ASXL3: variants seen among roughly 807,000 people sequenced by gnomAD.
ASXL3 encodes the protein putative Polycomb group protein ASXL3.
Under a neutral mutation model 170.6 loss-of-function variants are expected in ASXL3, and 34 were observed. That is an observed-to-expected ratio of 0.20 (90% CI 0.15 to 0.27). The LOEUF (loss-of-function observed/expected upper bound fraction) is 0.27, where lower values mean the gene tolerates loss of function less well. ASXL3 is among the 10% of genes least tolerant of loss of function. The pLI is 1.00. For missense variants in ASXL3, 2,592 were observed against 2,695.3 expected, an observed-to-expected ratio of 0.96 and a Z score of 0.85; for synonymous variants, 1,002 against 989.1, an observed-to-expected ratio of 1.01 and a Z score of -0.24.
At position 33,725,205 on chromosome 18, in the gene ASXL3, C is replaced by G. The variant is rs555780344; in HGVS notation, c.880-6763C>G. 9.1e-4 allele frequency among the ~76,000 whole-genome samples: 138 copies of G among 152,114 alleles called. 1 individual carries two copies. The highest frequency in any genetic ancestry group is 2.1e-4 in the Non-Finnish European group (14 of 67,992). On this transcript the variant is annotated intron_variant, in intron 8 of 11. Transcript: ENST00000269197. ...TTGCTCTTTTGTATTGTATTAGACT[C>G]CTGATTAGTGTCTCACTGTCTGGGT...
At chr18:33,591,589 A>G (rs2065077498) in intron 1 of ASXL3, among the ~76,000 whole-genome samples, 2 of 152,110 alleles carry the variant, frequency 1.3e-5, no homozygotes, top group Admixed American at 1.3e-4. Context: ...AGAAAAATGA[A>G]TGCATAAATC....
intron 8 of ASXL3, among the ~76,000 whole-genome samples, chr18:33,694,890 GTGTC>G (rs2066747205): frequency 6.6e-6 from 1 of 152,100 alleles, no homozygotes; most frequent in Non-Finnish European, 1.5e-5. Flanking sequence ...GAAAATGGAT[GTGTC>G]TGTCAGACAT....
Position 33,664,814 on chromosome 18 carries a change from T to G in ASXL3, c.477+3077T>G, listed in dbSNP as rs1599465245. On this transcript the variant is annotated intron_variant, in intron 5 of 11. Transcript: ENST00000269197. ...GCTGGACAATCTGGAAGCTATAATG[T>G]CCCTTGACGATTGACATGGAATATT... Among the ~76,000 whole-genome samples the G allele has an allele frequency of 1.3e-5, 2 of 152,322 alleles. 1 individual carries two copies. Among genetic ancestry groups the G allele is most frequent in the East Asian group, 3.9e-4 (2 of 5,174 alleles).
chr18:33,634,222 G>A (rs551234539), intron 2 of ASXL3, among the ~76,000 whole-genome samples: 61 of 151,968 alleles, frequency 4.0e-4, no homozygotes, highest in Admixed American at 5.9e-4. Flanking sequence ...ACATTGTGAG[G>A]AAGAAAATAA....
chr18:33,659,193 T>C (rs1255623525), intron 4 of ASXL3, among the ~76,000 whole-genome samples: 1 of 152,090 alleles, frequency 6.6e-6, no homozygotes, highest in Non-Finnish European at 1.5e-5. Context: ...CTCAATTACA[T>C]GTACACTGGG....
intron 8 of ASXL3, among the ~76,000 whole-genome samples, chr18:33,715,547 G>A (rs2145359947): frequency 6.6e-6 from 1 of 152,128 alleles, no homozygotes; most frequent in South Asian, 2.1e-4. Context: ...TGTAGAAATG[G>A]GCCCAGTGCT....
At chr18:33,685,611 T>C (rs976542288) in intron 8 of ASXL3, among the ~76,000 whole-genome samples, 18 of 152,346 alleles carry the variant, frequency 1.2e-4, no homozygotes, top group African/African-American at 4.3e-4. Context: ...TGCCTGAGGC[T>C]GGGTAATTTA....
At chr18:33,698,447 G>C (rs117858941) in intron 8 of ASXL3, among the ~76,000 whole-genome samples, 2,030 of 152,210 alleles carry the variant, frequency 0.013, 22 homozygotes, top group Non-Finnish European at 0.021. Context: ...GATCTGAGGT[G>C]CATTTGAGAA....
At chr18:33,659,728 G>A (rs1324102660) in intron 4 of ASXL3, among the ~76,000 whole-genome samples, 1 of 152,090 alleles carries the variant, frequency 6.6e-6, no homozygotes, top group East Asian at 1.9e-4. Flanking sequence ...AGCCTAGGAA[G>A]CATAGTTTAT....
chr18:33,638,234 A>G (rs1192541361), intron 2 of ASXL3, among the ~76,000 whole-genome samples: 1 of 151,208 alleles, frequency 6.6e-6, no homozygotes, highest in East Asian at 1.9e-4. Flanking sequence ...ATACACAAAT[A>G]TATATATTTG....
chr18:33,669,928 T>C (rs186603916), intron 5 of ASXL3, among the ~76,000 whole-genome samples: 1 of 152,344 alleles, frequency 6.6e-6, no homozygotes, highest in East Asian at 1.9e-4. Context: ...CTTTTAAATG[T>C]CTTTTATTAC....
chr18:33,604,269 G>T (rs2065219549), intron 1 of ASXL3, among the ~76,000 whole-genome samples: 1 of 151,878 alleles, frequency 6.6e-6, no homozygotes, highest in Non-Finnish European at 1.5e-5. Context: ...GCTTTTATAT[G>T]TATTAGCAAT....
intron 8 of ASXL3, among the ~76,000 whole-genome samples, chr18:33,695,889 G>T (rs1021750762): frequency 2.6e-5 from 4 of 151,900 alleles, no homozygotes; most frequent in African/African-American, 9.7e-5. Context: ...TTCTCTTTTT[G>T]TTCTCTTACA....
chr18:33,692,767 GA>G (rs1223322590), intron 8 of ASXL3, among the ~76,000 whole-genome samples: 1 of 152,198 alleles, frequency 6.6e-6, no homozygotes, highest in East Asian at 1.9e-4. Flanking sequence ...TATAGACTGA[GA>G]AATGACTTAG....
At position 33,607,661 on chromosome 18, in the gene ASXL3, G is replaced by A. The variant is rs2065270250; in HGVS notation, c.122G>A (p.Gly41Glu). ...ATATTGGAAGTCATTCAGAAAGAAG[G>A]GTTAAAAGAAACAAGGTCAGTATCC... is the stretch of plus-strand genomic sequence containing the variant. The part of the protein sequence containing the change: ...KQILEVIQKE[G>E]LKETSGTSPL... Residue 41 changes from glycine to glutamate, a missense_variant, in exon 2 of 12, where the codon GGG becomes GAG. By Grantham distance (98) the Gly-to-Glu change is moderately conservative. Transcript: ENST00000269197. The A allele has an allele frequency of 6.3e-7, 1 of 1,581,632 alleles. No individual in the cohort carries two copies. Among genetic ancestry groups the A allele is most frequent in the African/African-American group, 1.3e-5 (1 of 74,170 alleles).
intron 8 of ASXL3, among the ~76,000 whole-genome samples, chr18:33,718,197 T>C (rs888787890): frequency 3.3e-5 from 5 of 152,126 alleles, no homozygotes; most frequent in African/African-American, 1.2e-4. Flanking sequence ...TTCAGGGAGA[T>C]TATAGTCTGC....
In ASXL3 at chr18:33,739,136, T is replaced by C; in HGVS notation, c.1732T>C (p.Ser578Pro). Residue 578 changes from serine to proline, a missense_variant, in exon 11 of 12, where the codon TCT (serine) becomes CCT (proline). Physicochemically the swap from Ser to Pro is moderately conservative, Grantham distance 74. This residue lies in a region of ASXL3 where 2,246 missense variants were observed against 2,219.6 expected (regional missense o/e 1.01). Transcript: ENST00000269197. ...STPKIKTGSS[S>P]LEGQFPNEGI... ...CCCCAAAATAAAAACAGGGTCATCTTCTCTAGAAGGCCAGTTTCCAAATGA... is the reference window on the plus strand; with the variant it reads ...CCCCAAAATAAAAACAGGGTCATCTCCTCTAGAAGGCCAGTTTCCAAATGA... The C allele has an allele frequency of 6.2e-7, 1 of 1,613,532 alleles. No homozygotes were observed. The highest frequency in any genetic ancestry group is 8.5e-7 in the Non-Finnish European group (1 of 1,179,704).
intron 2 of ASXL3, among the ~76,000 whole-genome samples, chr18:33,626,463 TA>T (rs1467939643): frequency 6.6e-6 from 1 of 151,864 alleles, no homozygotes; most frequent in Non-Finnish European, 1.5e-5. Context: ...CATTTTATAA[TA>T]TCAAATAGAC....
At chr18:33,646,221 T>G in intron 3 of ASXL3, 24 bp from the exon 4 acceptor site, 1 of 1,585,394 alleles carries the variant, frequency 6.3e-7, no homozygotes, top group Non-Finnish European at 8.7e-7. Context: ...TCTCCATAAA[T>G]CATCACTTTT....
Sources: gnomAD v4.1 joint callset for allele counts (sites outside exome capture counted in the v4.1 genomes callset) on GRCh38, gnomAD v4.1.1 for gene constraint, gnomAD v4.1.1 regional missense constraint, MANE v1.5 for transcripts, NCBI Gene and HGNC (gene_info 2026-07-23, HGNC 2026-07-21) for gene names.